CNTNAP5: variants seen among roughly 807,000 people sequenced by gnomAD.
CNTNAP5 encodes the protein contactin-associated protein-like 5.
A neutral mutation model predicts 150.2 loss-of-function variants in CNTNAP5; 72 were observed. That is an observed-to-expected ratio of 0.48 (90% CI 0.40 to 0.58). The LOEUF (loss-of-function observed/expected upper bound fraction) is 0.58, where lower values mean the gene tolerates loss of function less well. Ranked by LOEUF, CNTNAP5 falls within the 20% of genes least tolerant of loss-of-function variation. The probability of loss-of-function intolerance (pLI) is 0.00; values close to 1 mark genes in which losing one functional copy is unlikely to be tolerated. For synonymous variants in CNTNAP5, 672 were observed against 619.8 expected, an observed-to-expected ratio of 1.08 and a Z score of -1.25; for missense variants, 1,636 against 1,626.2, an observed-to-expected ratio of 1.01 and a Z score of -0.10.
intron 3 of CNTNAP5, among the ~76,000 whole-genome samples, chr2:124,343,683 A>G (rs749017682): frequency 1.1e-4 from 16 of 152,198 alleles, no homozygotes; most frequent in Non-Finnish European, 1.3e-4. Context: ...CAAAAGACCT[A>G]ACATGACAGT....
chr2:124,420,679 G>A lies in CNTNAP5; in HGVS notation c.529+3089G>A, dbSNP rs553571414. ...TTCAGTCAGTTGAAATGCTTCAAGA[G>A]CAGAACAGAAATTTCCCTGAGAGAG... On this transcript the variant is annotated intron_variant, in intron 4 of 23. Coordinates refer to ENST00000682447, the MANE Select transcript of CNTNAP5 (RefSeq NM_001367498.1). 1.8e-4 allele frequency among the ~76,000 whole-genome samples: 28 copies of A among 152,290 alleles called. 1 individual carries two copies. The highest frequency in any genetic ancestry group is 1.0e-3 in the Admixed American group (16 of 15,300).
intron 1 of CNTNAP5, among the ~76,000 whole-genome samples, chr2:124,050,693 G>C (rs959405443): frequency 6.6e-6 from 1 of 152,114 alleles, no homozygotes; most frequent in African/African-American, 2.4e-5. Context: ...GGTGAGCTGA[G>C]CAGTTTGGGC....
chr2:124,215,216 A>C (rs1004285388), intron 1 of CNTNAP5, among the ~76,000 whole-genome samples: 3 of 152,178 alleles, frequency 2.0e-5, no homozygotes, highest in Non-Finnish European at 4.4e-5. Context: ...AATACAAGTG[A>C]ATCTTTTAAG....
At chr2:124,546,243 A>T (rs1355209991) in intron 10 of CNTNAP5, among the ~76,000 whole-genome samples, 3 of 152,070 alleles carry the variant, frequency 2.0e-5, no homozygotes, top group Admixed American at 2.0e-4. Context: ...CACAGTGGGG[A>T]GCTATACTTC....
chr2:124,579,327 A>C (rs1696360671), intron 11 of CNTNAP5, among the ~76,000 whole-genome samples: 1 of 152,230 alleles, frequency 6.6e-6, no homozygotes, highest in Non-Finnish European at 1.5e-5. Flanking sequence ...ATTCTCCCAT[A>C]AAAGTTATGC....
At chr2:124,236,456 G>T (rs544158811) in intron 2 of CNTNAP5, among the ~76,000 whole-genome samples, 20 of 152,282 alleles carry the variant, frequency 1.3e-4, no homozygotes, top group Admixed American at 7.2e-4. Flanking sequence ...TATTACACAT[G>T]GGTGATCCCG....
At chr2:124,821,888 G>A (rs1381031458) in intron 19 of CNTNAP5, among the ~76,000 whole-genome samples, 1 of 152,172 alleles carries the variant, frequency 6.6e-6, no homozygotes, top group Non-Finnish European at 1.5e-5. Context: ...GCTCAATTTT[G>A]AGAAATGTGG....
At chr2:124,610,027 C>A in intron 12 of CNTNAP5, 107 bp downstream of exon 12, 1 of 1,277,662 alleles carries the variant, frequency 7.8e-7, no homozygotes, top group Non-Finnish European at 1.1e-6. Context: ...ATTTGAAAGA[C>A]CAACTGGTCT....
intron 19 of CNTNAP5, among the ~76,000 whole-genome samples, chr2:124,836,718 G>A (rs1682836542): frequency 6.6e-6 from 1 of 152,008 alleles, no homozygotes; most frequent in Admixed American, 6.6e-5. Flanking sequence ...ACATCCATGG[G>A]TAATATGCCC....
chr2:124,339,700 C>A (rs1431357506), intron 3 of CNTNAP5, among the ~76,000 whole-genome samples: 1 of 152,076 alleles, frequency 6.6e-6, no homozygotes, highest in Non-Finnish European at 1.5e-5. Flanking sequence ...AATTGATGTG[C>A]GGGCAACCCA....
intron 2 of CNTNAP5, among the ~76,000 whole-genome samples, chr2:124,227,108 C>CA (rs1203328698): frequency 1.3e-5 from 2 of 152,004 alleles, no homozygotes; most frequent in Non-Finnish European, 2.9e-5. Flanking sequence ...GTGTCATATC[C>CA]AAAAAAGTAT....
intron 3 of CNTNAP5, among the ~76,000 whole-genome samples, chr2:124,345,133 A>T (rs1689706780): frequency 6.6e-6 from 1 of 152,218 alleles, no homozygotes; most frequent in South Asian, 2.1e-4. Flanking sequence ...GTAGACAATG[A>T]TTGTGAAAAA....
chr2:124,429,248 T>A (rs1415923548), intron 4 of CNTNAP5, among the ~76,000 whole-genome samples: 1 of 152,210 alleles, frequency 6.6e-6, no homozygotes, highest in Non-Finnish European at 1.5e-5. Flanking sequence ...TCATCCTGTT[T>A]TTTTTCATGT....
chr2:124,862,379 A>C (rs1677544434), intron 19 of CNTNAP5, among the ~76,000 whole-genome samples: 1 of 152,180 alleles, frequency 6.6e-6, no homozygotes, highest in Admixed American at 6.5e-5. Context: ...TAGGGACAAC[A>C]CCTTCCCTCT....
At chr2:124,381,348 G>A (rs1195863859) in intron 3 of CNTNAP5, among the ~76,000 whole-genome samples, 4 of 152,154 alleles carry the variant, frequency 2.6e-5, no homozygotes, top group Non-Finnish European at 5.9e-5. Context: ...AGGATGGACA[G>A]CAGGCAGAAC....
At chr2:124,855,713 T>G (rs1677357567) in intron 19 of CNTNAP5, among the ~76,000 whole-genome samples, 1 of 152,236 alleles carries the variant, frequency 6.6e-6, no homozygotes. Flanking sequence ...ATTTTATTTT[T>G]CAAAATGTTT....
At chr2:124,431,947 G>A (rs1008473375) in intron 4 of CNTNAP5, among the ~76,000 whole-genome samples, 2 of 152,000 alleles carry the variant, frequency 1.3e-5, no homozygotes, top group African/African-American at 4.8e-5. Context: ...GGAACCAAAG[G>A]CAAATTTCCT....
intron 3 of CNTNAP5, among the ~76,000 whole-genome samples, chr2:124,334,097 G>C (rs991123056): frequency 1.3e-5 from 2 of 152,076 alleles, no homozygotes; most frequent in Non-Finnish European, 2.9e-5. Flanking sequence ...GACTCTCGGG[G>C]CTCCATGAGG....
chr2:124,035,008 C>T (rs1681172514), intron 1 of CNTNAP5, among the ~76,000 whole-genome samples: 1 of 73,002 alleles, frequency 1.4e-5, no homozygotes, highest in Admixed American at 1.5e-4. Flanking sequence ...CCTCCCCTCC[C>T]CTCCCCTCCC....
Sources: allele counts gnomAD v4.1 joint callset (sites outside exome capture counted in the v4.1 genomes callset), GRCh38; gene constraint gnomAD v4.1.1; transcripts MANE v1.5; gene names NCBI Gene and HGNC (gene_info 2026-07-23, HGNC 2026-07-21).